Variants in CEP112 observed in about 807,000 individuals in gnomAD.
The protein encoded by CEP112 is centrosomal protein 112, also known as centrosomal protein of 112 kDa.
A neutral mutation model predicts 153.0 loss-of-function variants in CEP112; 127 were observed. The observed-to-expected ratio is 0.83, with a 90% CI of 0.72 to 0.96. CEP112 has a LOEUF of 0.96. Ranked by LOEUF, CEP112 falls within the 40% of genes least tolerant of loss-of-function variation. The pLI is 0.00. For synonymous variants in CEP112, 358 were observed against 374.4 expected (o/e 0.96, Z 0.51); for missense variants, 1,089 against 1,101.2 (o/e 0.99, Z 0.16).
chr17:66,150,621 C>T (rs537856103), intron 4 of CEP112, among the ~76,000 whole-genome samples: 19 of 152,242 alleles, frequency 1.2e-4, no homozygotes, highest in East Asian at 1.2e-3. Flanking sequence ...TTGTTCTATC[C>T]GGCGTATTGA....
intron 21 of CEP112, among the ~76,000 whole-genome samples, chr17:65,800,022 A>G (rs928156118): frequency 6.6e-6 from 1 of 152,218 alleles, no homozygotes; most frequent in Non-Finnish European, 1.5e-5. Flanking sequence ...TTGTCCTCTG[A>G]ACATGAAATC....
intron 18 of CEP112, among the ~76,000 whole-genome samples, chr17:65,937,376 G>A (rs1283933398): frequency 3.5e-5 from 4 of 115,036 alleles, no homozygotes; most frequent in South Asian, 4.0e-4. Context: ...AGTGAGGAGC[G>A]TCTCTGCCCG....
intron 6 of CEP112, among the ~76,000 whole-genome samples, chr17:66,127,190 T>A (rs2069888412): frequency 6.6e-6 from 1 of 152,226 alleles, no homozygotes; most frequent in Admixed American, 6.5e-5. Context: ...TTAATTTTAT[T>A]ATACCAAGGA....
At chr17:66,158,469 G>A (rs542871894) in intron 4 of CEP112, among the ~76,000 whole-genome samples, 12 of 151,924 alleles carry the variant, frequency 7.9e-5, no homozygotes, top group African/African-American at 1.7e-4. Flanking sequence ...AAAATGAGCC[G>A]GGCGTGGTGG....
chr17:66,034,953 C>T (rs2145772786), intron 12 of CEP112, among the ~76,000 whole-genome samples: 1 of 114,080 alleles, frequency 8.8e-6, no homozygotes, highest in East Asian at 3.7e-4. Context: ...CATGTGCCAC[C>T]ATGCCCAGCT....
chr17:66,025,826 A>G (rs12937966), intron 16 of CEP112, among the ~76,000 whole-genome samples: 62,315 of 151,550 alleles, frequency 0.41, 14,282 homozygotes, highest in East Asian at 0.87. Context: ...AAAGGTCATT[A>G]TTCATAGGTT....
At chr17:65,997,778 A>C (rs55814450) in intron 17 of CEP112, among the ~76,000 whole-genome samples, 1 of 111,578 alleles carries the variant, frequency 9.0e-6, no homozygotes, top group Non-Finnish European at 2.0e-5. Context: ...ATTTATACAC[A>C]CACCCTAAAC....
Position 65,691,451 on chromosome 17 carries a change from T to C in CEP112, c.2608-2233A>G, listed in dbSNP as rs538127835. Among the ~76,000 whole-genome samples, 331 of 152,324 alleles carry C rather than the reference T, an allele frequency of 2.2e-3. 1 individual carries two copies. The highest frequency in any genetic ancestry group is 3.7e-3 in the Non-Finnish European group (252 of 68,028). Reference sequence around the variant, plus strand: ...CCTCTCACTGTAGGACATTCATAGATTGCCTGAAGCCCATCTGTGAATGGA... The same window carrying C: ...CCTCTCACTGTAGGACATTCATAGACTGCCTGAAGCCCATCTGTGAATGGA... On this transcript the variant is annotated intron_variant, in intron 23 of 26. Transcript: ENST00000535342.
chr17:65,930,495 A>G (rs1249626413), intron 18 of CEP112, among the ~76,000 whole-genome samples: 1 of 152,236 alleles, frequency 6.6e-6, no homozygotes, highest in Non-Finnish European at 1.5e-5. Context: ...TTTAGCACCC[A>G]AGTATTTCTT....
intron 6 of CEP112, among the ~76,000 whole-genome samples, chr17:66,118,578 G>A (rs2146434066): frequency 6.6e-6 from 1 of 152,264 alleles, no homozygotes; most frequent in South Asian, 2.1e-4. Context: ...AGTGGGGAGT[G>A]AGGGTTAAAT....
At chr17:65,739,676 C>T (rs144263421) in intron 23 of CEP112, among the ~76,000 whole-genome samples, 2,398 of 151,848 alleles carry the variant, frequency 0.016, 55 homozygotes, top group African/African-American at 0.053. Flanking sequence ...GCGGAAGTTG[C>T]GGTGAGCTGA....
intron 17 of CEP112, among the ~76,000 whole-genome samples, chr17:65,972,781 T>C (rs1392169656): frequency 6.6e-6 from 1 of 152,234 alleles, no homozygotes; most frequent in Non-Finnish European, 1.5e-5. Flanking sequence ...TGTTTTTTGT[T>C]TTTTGAGACG....
chr17:65,889,018 C>A lies in CEP112; in HGVS notation c.2163+13134G>T, dbSNP rs558554830. Among the ~76,000 whole-genome samples the A allele has an allele frequency of 3.3e-5, 5 of 152,072 alleles. No individual in the cohort carries two copies. In the South Asian group the frequency reaches 8.3e-4, roughly 25 times the overall value. ...TTAATCCCTGCTTCCCTAGGTGAGG[C>A]GTGAAGGCTTTCTTAGTACCTAATT... On this transcript the variant is annotated intron_variant, in intron 20 of 26. Transcript: ENST00000535342.
chr17:66,162,591 A>C (rs191570541), intron 4 of CEP112, among the ~76,000 whole-genome samples: 17 of 152,380 alleles, frequency 1.1e-4, no homozygotes, highest in African/African-American at 3.6e-4. Flanking sequence ...ATAATTTTAA[A>C]AATCCATTGC....
At position 66,165,846 on chromosome 17, in the gene CEP112, T is replaced by C. The variant is rs188118198; in HGVS notation, c.470+9198A>G. ...AATGCATTCCTGGAAAACCATATCATAAAGAGGATCATTATAAAGCAAGTC... is the reference window on the plus strand; with the variant it reads ...AATGCATTCCTGGAAAACCATATCACAAAGAGGATCATTATAAAGCAAGTC... On this transcript the variant is annotated intron_variant, in intron 4 of 26. Coordinates refer to ENST00000535342, the MANE Select transcript of CEP112 (RefSeq NM_001199165.4). 3.1e-3 allele frequency among the ~76,000 whole-genome samples: 479 copies of C among 152,242 alleles called. 1 individual carries two copies. Among genetic ancestry groups the C allele is most frequent in the Non-Finnish European group, 4.8e-3 (328 of 68,004 alleles).
intron 4 of CEP112, among the ~76,000 whole-genome samples, chr17:66,137,575 C>T (rs7208192): frequency 1.2e-4 from 18 of 151,836 alleles, no homozygotes; most frequent in African/African-American, 2.4e-4. Context: ...AAGAGAAAAG[C>T]AACTCACTAC....
chr17:65,731,617 C>T (rs575854824), intron 23 of CEP112, among the ~76,000 whole-genome samples: 4 of 152,240 alleles, frequency 2.6e-5, no homozygotes, highest in Admixed American at 6.5e-5. Context: ...CTGTAGCATG[C>T]GATGCTGTTT....
chr17:66,005,658 T>C (rs1182944457), intron 17 of CEP112, 32 bp downstream of exon 17: 3 of 1,595,750 alleles, frequency 1.9e-6, no homozygotes, highest in Non-Finnish European at 2.6e-6. Flanking sequence ...TAAAGGGTAG[T>C]TTTAAATCAA....
At position 65,719,683 on chromosome 17, in the gene CEP112, G is replaced by A. The variant is rs1196259220; in HGVS notation, c.2607+23385C>T. 4.6e-5 allele frequency among the ~76,000 whole-genome samples: 7 copies of A among 152,202 alleles called. No homozygotes were observed. In the East Asian group the frequency reaches 1.3e-3, roughly 29 times the overall value. On this transcript the variant is annotated intron_variant, in intron 23 of 26. Coordinates refer to ENST00000535342, the MANE Select transcript of CEP112 (RefSeq NM_001199165.4). Reference sequence around the variant, plus strand: ...CAAGATGGGACCTGTAGGAAGAGTAGGAGTTGGCCAGAAGAAGGGAGAAGA... The same window carrying A: ...CAAGATGGGACCTGTAGGAAGAGTAAGAGTTGGCCAGAAGAAGGGAGAAGA...
Sources: allele counts gnomAD v4.1 joint callset (sites outside exome capture counted in the v4.1 genomes callset), GRCh38; gene constraint gnomAD v4.1.1; transcripts MANE v1.5; gene names NCBI Gene and HGNC (gene_info 2026-07-23, HGNC 2026-07-21).